Variants in TGDS observed in about 807,000 individuals in gnomAD.
TGDS encodes UDP-D-glucose 4,6-dehydratase.
Under a neutral mutation model 52.3 loss-of-function variants are expected in TGDS, and 47 were observed. The ratio of observed to expected loss-of-function variants is 0.90; its 90% CI spans 0.71 to 1.15. TGDS has a LOEUF of 1.15. Ranked by LOEUF, TGDS falls within the 50% of genes most tolerant of loss-of-function variation. The pLI is 0.00. For missense variants in TGDS, 375 were observed against 418.4 expected (o/e 0.90, Z 0.90); for synonymous variants, 115 against 136.9 (o/e 0.84, Z 1.12).
intron 2 of TGDS, among the ~76,000 whole-genome samples, chr13:94,593,519 CT>C (rs1438197507): frequency 6.6e-6 from 1 of 152,000 alleles, no homozygotes; most frequent in African/African-American, 2.4e-5. Flanking sequence ...CCAATTAAGG[CT>C]TATAATCACC....
intron 4 of TGDS, among the ~76,000 whole-genome samples, chr13:94,586,575 T>C (rs1342358562): frequency 1.3e-5 from 2 of 152,128 alleles, no homozygotes; most frequent in Non-Finnish European, 2.9e-5. Flanking sequence ...TTACGGAAAG[T>C]GACCATATAC....
At chr13:94,581,337 T>C (rs1158948042) in intron 5 of TGDS, 148 bp from the exon 6 acceptor site, 1 of 506,962 alleles carries the variant, frequency 2.0e-6, no homozygotes, top group African/African-American at 1.9e-5. Flanking sequence ...CAAGGACATG[T>C]GGTAACTTCT....
At chr13:94,583,622 A>G (rs1044568394) in intron 4 of TGDS, among the ~76,000 whole-genome samples, 1 of 152,208 alleles carries the variant, frequency 6.6e-6, no homozygotes, top group Non-Finnish European at 1.5e-5. Context: ...TTATTTAAAC[A>G]TAAATTCACC....
At chr13:94,585,035 AG>A (rs986362870) in intron 4 of TGDS, among the ~76,000 whole-genome samples, 2 of 152,104 alleles carry the variant, frequency 1.3e-5, no homozygotes, top group Non-Finnish European at 2.9e-5. Context: ...TTAAATCTCA[AG>A]GTAACCAAAT....
intron 5 of TGDS, among the ~76,000 whole-genome samples, chr13:94,581,998 G>A (rs1024149057): frequency 8.5e-5 from 13 of 152,048 alleles, no homozygotes; most frequent in Non-Finnish European, 1.9e-4. Flanking sequence ...TCAGGAGTTC[G>A]AGACCAGCCT....
At chr13:94,586,766 T>A (rs1253966146) in intron 4 of TGDS, among the ~76,000 whole-genome samples, 1 of 148,992 alleles carries the variant, frequency 6.7e-6, no homozygotes, top group Non-Finnish European at 1.5e-5. Flanking sequence ...TTTTTTTTTT[T>A]TTTTTTTTTT....
In TGDS at chr13:94,590,856, C is replaced by T. The variant is rs781164643; in HGVS notation, c.310G>A (p.Val104Ile). Residue 104 changes from valine to isoleucine, a missense_variant, in exon 4 of 12, where the codon GTA (valine) becomes ATA (isoleucine). Coordinates refer to ENST00000261296, the MANE Select transcript of TGDS (RefSeq NM_014305.4). ...IVLHFAAQTH[V>I]DLSFVRAFEF... ...TGTAACATAAAACAATGCTTACCTA[C>T]ATGTGTTTGTGCGGCAAAATGTAGT... 1 of 1,567,148 alleles carries T rather than the reference C, an allele frequency of 6.4e-7. No individual in the cohort carries two copies. The highest frequency in any genetic ancestry group is 8.6e-7 in the Non-Finnish European group (1 of 1,165,436).
At chr13:94,594,428 C>A (rs1008783485) in intron 1 of TGDS, among the ~76,000 whole-genome samples, 1 of 152,114 alleles carries the variant, frequency 6.6e-6, no homozygotes, top group Non-Finnish European at 1.5e-5. Context: ...CTAGACTAAA[C>A]CCAGGATTCC....
intron 7 of TGDS, among the ~76,000 whole-genome samples, chr13:94,579,065 T>C (rs147283250): frequency 7.2e-5 from 11 of 152,326 alleles, no homozygotes; most frequent in African/African-American, 2.4e-4. Context: ...GTGTGCTGAC[T>C]TCATAAGGGC....
chr13:94,588,357 A>T (rs143867293), intron 4 of TGDS, among the ~76,000 whole-genome samples: 1,583 of 129,560 alleles, frequency 0.012, 35 homozygotes, highest in African/African-American at 0.042. Flanking sequence ...TGGGAGGCGG[A>T]GGTTGCAGTG....
rs201202279 is a variant in TGDS, at chr13:94,586,748, ATTAT to A, written c.314-3516_314-3513del. ...ACCCACGGATGAGAGAAGAAATCAA[ATTAT>A]TTTTTTTTTTTTTTTTTTTTTTTTG... On this transcript the variant is annotated intron_variant, in intron 4 of 11. Coordinates refer to ENST00000261296, the MANE Select transcript of TGDS (RefSeq NM_014305.4). Among the ~76,000 whole-genome samples the A allele has an allele frequency of 1.1e-3, 99 of 88,440 alleles. 10 individuals are homozygous for A. The highest frequency in any genetic ancestry group is 7.6e-3 in the East Asian group (9 of 1,178). 58.0% of individuals were successfully genotyped at this position (88,440 alleles called of 152,430 possible).
chr13:94,578,196 C>A (rs774811573), intron 8 of TGDS, 26 bp from the exon 9 acceptor site: 1 of 1,609,942 alleles, frequency 6.2e-7, no homozygotes, highest in South Asian at 1.1e-5. Flanking sequence ...GAAGTGAAAT[C>A]ATAAAGTGTA....
intron 4 of TGDS, 97 bp from the exon 5 acceptor site, chr13:94,583,333 T>G: frequency 7.9e-7 from 1 of 1,262,510 alleles, no homozygotes; most frequent in East Asian, 2.6e-5. Flanking sequence ...CTAGTCACTG[T>G]TCTTCATTTA....
At chr13:94,585,062 C>CT (rs564309725) in intron 4 of TGDS, among the ~76,000 whole-genome samples, 28 of 148,628 alleles carry the variant, frequency 1.9e-4, no homozygotes, top group East Asian at 3.9e-4. Context: ...ATAAGGAAAA[C>CT]TTTTTTTTTT....
chr13:94,581,127 A>C lies in TGDS; in HGVS notation c.519T>G (p.Ala173=). The change falls in exon 6 of 12, where the codon GCT becomes GCG. Residue 173 remains alanine, a synonymous_variant. Coordinates refer to ENST00000261296, the MANE Select transcript of TGDS (RefSeq NM_014305.4). The part of the protein sequence containing the change: ...TNPYASSKAA[A]ECFVQSYWEQ... Reference sequence around the variant, plus strand: ...CCCAGTAAGACTGTACAAAACATTCAGCAGCTGCTTTAGATGATGCATAAG... The same window carrying C: ...CCCAGTAAGACTGTACAAAACATTCCGCAGCTGCTTTAGATGATGCATAAG... The C allele has an allele frequency of 6.3e-7, 1 of 1,595,078 alleles. No homozygotes were observed. Among genetic ancestry groups the C allele is most frequent in the Non-Finnish European group, 8.5e-7 (1 of 1,170,122 alleles).
chr13:94,579,851 T>C (rs1347523173), intron 7 of TGDS, 43 bp downstream of exon 7: 2 of 1,121,710 alleles, frequency 1.8e-6, no homozygotes, highest in African/African-American at 1.6e-5. Context: ...AATGAGAAGT[T>C]ACAATCACTG....
intron 5 of TGDS, 80 bp downstream of exon 5, chr13:94,583,013 GA>G: frequency 2.0e-6 from 3 of 1,476,488 alleles, no homozygotes; most frequent in Non-Finnish European, 1.8e-6. Context: ...ATTTGAGGAT[GA>G]AAAAAGCCCA....
chr13:94,594,018 T>C, intron 1 of TGDS, 111 bp from the exon 2 acceptor site: 1 of 646,878 alleles, frequency 1.5e-6, no homozygotes, highest in Non-Finnish European at 2.6e-6. Flanking sequence ...AACTTTAATT[T>C]TTTCTAAGAT....
At chr13:94,578,245 AAC>A in intron 8 of TGDS, 75 bp from the exon 9 acceptor site, 2 of 1,336,110 alleles carry the variant, frequency 1.5e-6, no homozygotes, top group Admixed American at 4.3e-5. Flanking sequence ...TGGGTACTAC[AAC>A]TCCAGAGAAG....
Sources: allele counts gnomAD v4.1 joint callset (sites outside exome capture counted in the v4.1 genomes callset), GRCh38; gene constraint gnomAD v4.1.1; transcripts MANE v1.5; gene names NCBI Gene and HGNC (gene_info 2026-07-23, HGNC 2026-07-21).